The following NIPA2 variants were observed in gnomAD, a reference collection of about 807,000 sequenced individuals.
NIPA2 encodes NIPA magnesium transporter 2.
In NIPA2, 11 loss-of-function variants were observed where a neutral mutation model predicts 29.7. The observed-to-expected ratio is 0.37, with a 90% CI of 0.23 to 0.61. NIPA2 has a LOEUF of 0.61. NIPA2 is among the 20% of genes least tolerant of loss of function. The pLI is 0.66. For synonymous variants in NIPA2, 183 were observed against 161.9 expected (o/e 1.13, Z -0.99); for missense variants, 426 against 437.9 (o/e 0.97, Z 0.24).
Position 22,857,775 on chromosome 15 carries a change from T to TG in NIPA2, c.197-764dup, listed in dbSNP as rs573823983. On this transcript the variant is annotated intron_variant, in intron 5 of 7. Coordinates refer to ENST00000337451, the MANE Select transcript of NIPA2 (RefSeq NM_030922.7). Reference sequence around the variant, plus strand: ...TTGCTTGAACCCGGGAGGTGGAGGTTGCAGTGAGCTGAGATCGTGCCACTG... The same window carrying TG: ...TTGCTTGAACCCGGGAGGTGGAGGTTGGCAGTGAGCTGAGATCGTGCCACTG... Among the ~76,000 whole-genome samples the TG allele has an allele frequency of 6.7e-3, 952 of 142,042 alleles. 11 individuals carry two copies. Among genetic ancestry groups the TG allele is most frequent in the African/African-American group, 0.024 (904 of 37,722 alleles). The allele number at this position is 142,042 out of a possible 152,430, so 93.2% of individuals were successfully genotyped here. A position where few individuals can be genotyped will look rare whatever the true frequency, so the allele number is the denominator to read the frequency against.
At position 22,867,361 on chromosome 15, in the gene NIPA2, C is replaced by T. The variant is rs754415655; in HGVS notation, c.*514C>T. The T allele has an allele frequency of 5.1e-6, 2 of 393,718 alleles. No individual in the cohort carries two copies. Among genetic ancestry groups the T allele is most frequent in the Non-Finnish European group, 8.9e-6 (2 of 223,668 alleles). The allele number at this position is 393,718 out of a possible 1,614,324, so 24.4% of individuals were successfully genotyped here. A position where few individuals can be genotyped will look rare whatever the true frequency, so the allele number is the denominator to read the frequency against. On this transcript the variant is annotated 3_prime_UTR_variant, in exon 8 of 8. Transcript: ENST00000337451. ...TATTTATTAAGGGAAAACTAAGTTACTGAATGAAGGAACCTCTTTCTTACA... is the reference window on the plus strand; with the variant it reads ...TATTTATTAAGGGAAAACTAAGTTATTGAATGAAGGAACCTCTTTCTTACA...
rs1214954434 is a variant in NIPA2, at chr15:22,867,883, C to T, written c.*1036C>T. On this transcript the variant is annotated 3_prime_UTR_variant, in exon 8 of 8. Coordinates refer to ENST00000337451, the MANE Select transcript of NIPA2 (RefSeq NM_030922.7). ...GAAGAAGTCGATGGAAAACTGCAAACATATGCAGAAAAGGTAGAATAATAA... is the reference window on the plus strand; with the variant it reads ...GAAGAAGTCGATGGAAAACTGCAAATATATGCAGAAAAGGTAGAATAATAA... 5 of 152,312 alleles carry T rather than the reference C, an allele frequency of 3.3e-5. No individual in the cohort carries two copies. The highest frequency in any genetic ancestry group is 2.1e-4 in the South Asian group (1 of 4,824). 9.4% of individuals were successfully genotyped at this position (152,312 alleles called of 1,614,324 possible).
intron 7 of NIPA2, among the ~76,000 whole-genome samples, chr15:22,864,898 A>G (rs1246818355): frequency 6.6e-5 from 10 of 151,728 alleles, no homozygotes; most frequent in South Asian, 6.3e-4. Flanking sequence ...GTCTCACTCT[A>G]TTGCCCAGGC....
At chr15:22,861,367 A>T (rs1242867030) in intron 7 of NIPA2, among the ~76,000 whole-genome samples, 1 of 152,124 alleles carries the variant, frequency 6.6e-6, no homozygotes, top group African/African-American at 2.4e-5. Flanking sequence ...CACAGCTGTT[A>T]TCTGCATTTC....
chr15:22,853,738 A>G (rs1472327158), intron 5 of NIPA2, among the ~76,000 whole-genome samples: 1 of 152,048 alleles, frequency 6.6e-6, no homozygotes. Flanking sequence ...TACTTTAATA[A>G]AGGCATGCAA....
chr15:22,863,555 G>C (rs944422781), intron 7 of NIPA2, among the ~76,000 whole-genome samples: 4 of 152,178 alleles, frequency 2.6e-5, no homozygotes, highest in Non-Finnish European at 5.9e-5. Flanking sequence ...CTTTCCATTT[G>C]GCTCCTCTGA....
intron 7 of NIPA2, among the ~76,000 whole-genome samples, chr15:22,865,139 C>T (rs1192472729): frequency 6.7e-6 from 1 of 150,336 alleles, no homozygotes; most frequent in Non-Finnish European, 1.5e-5. Context: ...GGATTACAGG[C>T]GTGAGCCACC....
Position 22,867,024 on chromosome 15 carries a change from TCACTAAAATGACCTC to T in NIPA2, c.*178_*192del. ...TTGTATTTAAACAAACAATGGTAGC[TCACTAAAATGACCTC>T]AGCACATGACGATTTCTATTAACAT... On this transcript the variant is annotated 3_prime_UTR_variant, in exon 8 of 8. Coordinates refer to ENST00000337451, the MANE Select transcript of NIPA2 (RefSeq NM_030922.7). 1 of 598,620 alleles carries T rather than the reference TCACTAAAATGACCTC, an allele frequency of 1.7e-6. No homozygotes were observed. Among genetic ancestry groups the T allele is most frequent in the East Asian group, 2.9e-5 (1 of 34,914 alleles). 37.1% of individuals were successfully genotyped at this position (598,620 alleles called of 1,614,324 possible).
At chr15:22,854,338 G>T (rs1203790158) in intron 5 of NIPA2, among the ~76,000 whole-genome samples, 10 of 151,590 alleles carry the variant, frequency 6.6e-5, no homozygotes, top group Non-Finnish European at 2.9e-5. Flanking sequence ...TGTTGCCCAG[G>T]ATGGTCTCGA....
chr15:22,862,808 T>C (rs1393760987), intron 7 of NIPA2, among the ~76,000 whole-genome samples: 1 of 152,062 alleles, frequency 6.6e-6, no homozygotes, highest in East Asian at 1.9e-4. Flanking sequence ...TTTCTTCTGG[T>C]AGGCAGAAAA....
Position 22,866,937 on chromosome 15 carries a change from A to AATG in NIPA2, c.*91_*93dup. The AATG allele has an allele frequency of 8.0e-7, 1 of 1,256,454 alleles. No homozygotes were observed. The highest frequency in any genetic ancestry group is 1.5e-5 in the African/African-American group (1 of 67,022). The allele number at this position is 1,256,454 out of a possible 1,614,324, so 77.8% of individuals were successfully genotyped here. A position where few individuals can be genotyped will look rare whatever the true frequency, so the allele number is the denominator to read the frequency against. The stretch of plus-strand genomic sequence containing the variant: ...GTCTGAAAAAACATTGTCCTCAAAT[A>AATG]ATGTTCTTTAAAGGCAATCTTTTTA... On this transcript the variant is annotated 3_prime_UTR_variant, in exon 8 of 8. Transcript: ENST00000337451.
rs1259052422 is a variant in NIPA2 at position 22,866,910 on chromosome 15, G to A, written c.*63G>A. The A allele has an allele frequency of 7.1e-7, 1 of 1,416,726 alleles. No homozygotes were observed. Among genetic ancestry groups the A allele is most frequent in the Non-Finnish European group, 9.5e-7 (1 of 1,052,508 alleles). The allele number at this position is 1,416,726 out of a possible 1,614,324, so 87.8% of individuals were successfully genotyped here. On this transcript the variant is annotated 3_prime_UTR_variant, in exon 8 of 8. Transcript: ENST00000337451. ...AAGTGAATTTGAATATCATCAGAAT[G>A]TGTCTGAAAAAACATTGTCCTCAAA...
intron 4 of NIPA2, 81 bp from the exon 5 acceptor site, chr15:22,853,131 A>G: frequency 2.1e-6 from 2 of 939,422 alleles, no homozygotes; most frequent in Non-Finnish European, 3.4e-6. Context: ...AGATATTTAA[A>G]AATCTGTCAT....
Position 22,862,358 on chromosome 15 carries a change from A to T in NIPA2, c.448+1569A>T, listed in dbSNP as rs1050319395. Among the ~76,000 whole-genome samples the T allele has an allele frequency of 2.0e-5, 3 of 151,994 alleles. No individual in the cohort carries two copies. In the South Asian group the frequency reaches 6.2e-4, roughly 31 times the overall value. ...CTACTGTGCCTGGCCTGATCTGAAA[A>T]TTTATGTCTGACTCTTGGGAACTGA... On this transcript the variant is annotated intron_variant, in intron 7 of 7. Coordinates refer to ENST00000337451, the MANE Select transcript of NIPA2 (RefSeq NM_030922.7).
chr15:22,851,941 AC>A, intron 4 of NIPA2, 71 bp downstream of exon 4: 1 of 1,306,202 alleles, frequency 7.7e-7, no homozygotes, highest in Non-Finnish European at 1.1e-6. Context: ...TTTGTACAAG[AC>A]CACATCTTCA....
rs2059227202 is a variant in NIPA2, at chr15:22,867,853, T to C, written c.*1006T>C. ...TATTTTGGTTTCTAGAAAATGTTTG[T>C]TTATGAAGAAGTCGATGGAAAACTG... On this transcript the variant is annotated 3_prime_UTR_variant, in exon 8 of 8. Transcript: ENST00000337451. 3 of 152,086 alleles carry C rather than the reference T, an allele frequency of 2.0e-5. No homozygotes were observed. The highest frequency in any genetic ancestry group is 7.2e-5 in the African/African-American group (3 of 41,432). 9.4% of individuals were successfully genotyped at this position (152,086 alleles called of 1,614,324 possible).
At chr15:22,857,397 C>T (rs551539084) in intron 5 of NIPA2, among the ~76,000 whole-genome samples, 5 of 148,926 alleles carry the variant, frequency 3.4e-5, no homozygotes, top group South Asian at 4.2e-4. Flanking sequence ...AGATCACGCA[C>T]GCCATTGCAG....
chr15:22,852,920 A>G lies in NIPA2; in HGVS notation c.140-292A>G, dbSNP rs189445440. On this transcript the variant is annotated intron_variant, in intron 4 of 7. Transcript: ENST00000337451. ...AGAAAAACATGAAATGATAGCCTCTATGGGGTTCAGTGGACAGAGGAGAAA... is the reference window on the plus strand; with the variant it reads ...AGAAAAACATGAAATGATAGCCTCTGTGGGGTTCAGTGGACAGAGGAGAAA... Among the ~76,000 whole-genome samples, 154 of 152,258 alleles carry G rather than the reference A, an allele frequency of 1.0e-3. 2 individuals carry two copies. Among genetic ancestry groups the G allele is most frequent in the South Asian group, 3.7e-3 (18 of 4,816 alleles).
chr15:22,852,173 A>G (rs1411986342), intron 4 of NIPA2, among the ~76,000 whole-genome samples: 21 of 152,216 alleles, frequency 1.4e-4, no homozygotes, highest in Admixed American at 1.3e-3. Context: ...AGGAAATAAG[A>G]GTCCATGGTT....
Sources: gnomAD v4.1 joint callset for allele counts (sites outside exome capture counted in the v4.1 genomes callset) on GRCh38, gnomAD v4.1.1 for gene constraint, MANE v1.5 for transcripts, NCBI Gene and HGNC (gene_info 2026-07-23, HGNC 2026-07-21) for gene names.